The following STPG3 variants were observed in gnomAD, a reference collection of about 807,000 sequenced individuals.
STPG3 encodes the protein protein STPG3.
STPG3 carries 39 observed loss-of-function variants against 32.5 expected under a neutral mutation model. That is an observed-to-expected ratio of 1.20 (90% CI 0.93 to 1.57). The LOEUF (loss-of-function observed/expected upper bound fraction) is 1.57. STPG3 is among the 40% of genes most tolerant of loss of function. The pLI is 0.00. For missense variants in STPG3, 507 were observed against 407.6 expected (o/e 1.24, Z -2.10); for synonymous variants, 209 against 172.4 (o/e 1.21, Z -1.66).
In STPG3 at chr9:137,252,700, C is replaced by G. The variant is rs28376526; in HGVS notation, c.531C>G (p.Pro177=). Residue 177 remains proline, a synonymous_variant, in exon 5 of 6, where the codon CCC becomes CCG. Transcript: ENST00000412566. ...CCCACTACCAGCTGCTCAGCCGGCC[C>G]GCCTTCCCCGCCTTCAGCTTCAGAG... ...SPAHYQLLSR[P]AFPAFSFRGC... is the part of the protein sequence containing the mutation. 0.73 allele frequency: 1,132,685 copies of G among 1,553,414 alleles called. 416,575 individuals carry two copies. Among genetic ancestry groups the G allele is most frequent in the Admixed American group, 0.79 (40,772 of 51,522 alleles).
In STPG3 at chr9:137,252,770, G is replaced by T; in HGVS notation, c.601G>T (p.Gly201Trp). The T allele has an allele frequency of 6.4e-7, 1 of 1,561,408 alleles. No homozygotes were observed. The highest frequency in any genetic ancestry group is 2.4e-5 in the East Asian group (1 of 41,704). ...SKTPEGHTHL[G>W]LPGARGLGLR... ...GACACCTGAAGGCCACACCCACCTA[G>T]GGCTGCCTGGGGCTAGGGGGCTGGG... is the stretch of plus-strand genomic sequence containing the variant. The change falls in exon 5 of 6, where the codon GGG becomes TGG. Residue 201 changes from glycine (G) to tryptophan (W), a missense_variant. Coordinates refer to ENST00000412566, the MANE Select transcript of STPG3 (RefSeq NM_001004353.4).
chr9:137,253,000 G>A, intron 5 of STPG3, 35 bp downstream of exon 5: 2 of 1,556,634 alleles, frequency 1.3e-6, no homozygotes, highest in Non-Finnish European at 1.7e-6. Flanking sequence ...GCTAGGGATG[G>A]GGCATGGGTG....
chr9:137,251,530 G>A (rs1837315238), intron 1 of STPG3, 134 bp downstream of exon 1: 3 of 965,008 alleles, frequency 3.1e-6, no homozygotes, highest in Non-Finnish European at 1.6e-6. Flanking sequence ...CTGTGGGGCA[G>A]GCGGCTGGGA....
At position 137,253,262 on chromosome 9, in the gene STPG3, C is replaced by A; in HGVS notation, c.*17C>A. 2 of 1,597,536 alleles carry A rather than the reference C, an allele frequency of 1.3e-6. No homozygotes were observed. The highest frequency in any genetic ancestry group is 1.7e-6 in the Non-Finnish European group (2 of 1,172,794). On this transcript the variant is annotated 3_prime_UTR_variant, in exon 6 of 6. Transcript: ENST00000412566. ...ACGCTCTAGAGCCAGCTGGGCACAA[C>A]CTGCTTGGCCCGGCCACCGAGTGGA...
chr9:137,252,620 G>A, intron 4 of STPG3, 42 bp from the exon 5 acceptor site: 1 of 1,517,336 alleles, frequency 6.6e-7, no homozygotes, highest in Non-Finnish European at 8.9e-7. Context: ...AGGGTCCGTG[G>A]GGAGCACCCT....
rs1837450352 is a variant in STPG3 at position 137,253,147 on chromosome 9, G to A, written c.829G>A (p.Glu277Lys). 1.3e-6 allele frequency: 2 copies of A among 1,593,458 alleles called. No individual in the cohort carries two copies. The highest frequency in any genetic ancestry group is 1.7e-6 in the Non-Finnish European group (2 of 1,167,732). ...RTPGPAAYHV[E>K]DCNSRFPSAP... ...CCCTGGCCCAGCCGCCTACCACGTG[G>A]AGGACTGCAACTCACGCTTCCCTTC... The change falls in exon 6 of 6, where the codon GAG (glutamate) becomes AAG (lysine). Residue 277 changes from glutamate to lysine, a missense_variant. Transcript: ENST00000412566.
chr9:137,253,290 C>A lies in STPG3; in HGVS notation c.*45C>A. The A allele has an allele frequency of 6.3e-7, 1 of 1,576,434 alleles. No homozygotes were observed. Among genetic ancestry groups the A allele is most frequent in the East Asian group, 2.3e-5 (1 of 42,590 alleles). ...GCTTGGCCCGGCCACCGAGTGGAAC[C>A]ATGGCCTCCCCCGGGGCTTTCCCAG... On this transcript the variant is annotated 3_prime_UTR_variant, in exon 6 of 6. Coordinates refer to ENST00000412566, the MANE Select transcript of STPG3 (RefSeq NM_001004353.4).
In STPG3 at chr9:137,251,994, TG is replaced by T. The variant is rs1210569889; in HGVS notation, c.269-5del. 1.1e-5 allele frequency: 18 copies of T among 1,609,232 alleles called. No individual in the cohort carries two copies. The highest frequency in any genetic ancestry group is 1.5e-5 in the Non-Finnish European group (18 of 1,178,276). ...GCCCAGGCCCAGAGCTTGCTTCCTG[TG>T]GCCAGTGCTGGAGCAACGCCCCCTG... On this transcript the variant is annotated splice_region_variant and splice_polypyrimidine_tract_variant and intron_variant, in intron 2 of 5. Coordinates refer to ENST00000412566, the MANE Select transcript of STPG3 (RefSeq NM_001004353.4).
At position 137,253,369 on chromosome 9, in the gene STPG3, C is replaced by T. The variant is rs566322486; in HGVS notation, c.*124C>T. On this transcript the variant is annotated 3_prime_UTR_variant, in exon 6 of 6. Transcript: ENST00000412566. ...TGGCCTTCTGACCCTCTGGGCACCC[C>T]GATGCACCCTTCTGGCTGGCCAACC... is the stretch of plus-strand genomic sequence containing the variant. 49 of 1,534,354 alleles carry T rather than the reference C, an allele frequency of 3.2e-5. No individual in the cohort carries two copies. Among genetic ancestry groups the T allele is most frequent in the East Asian group, 1.2e-4 (5 of 40,752 alleles).
intron 4 of STPG3, 50 bp downstream of exon 4, chr9:137,252,575 T>TG: frequency 3.2e-6 from 1 of 310,214 alleles, no homozygotes; most frequent in Non-Finnish European, 4.5e-6. Flanking sequence ...GGCAGGGGGC[T>TG]GGGGGTTCCA....
rs760076295 is a variant in STPG3 at position 137,252,495 on chromosome 9, G to A, written c.462G>A (p.Thr154=). The stretch of plus-strand genomic sequence containing the variant: ...GGTTCCAGAGCGAAAGCCCCTTCAC[G>A]CAGAAAGCTGACTTCGACCAAGAGC... The part of the protein sequence containing the change: ...TLWFQSESPF[T]QKADFDQEQK... Residue 154 remains threonine, a synonymous_variant, in exon 4 of 6, where the codon ACG becomes ACA. Coordinates refer to ENST00000412566, the MANE Select transcript of STPG3 (RefSeq NM_001004353.4). The A allele has an allele frequency of 8.8e-6, 14 of 1,597,968 alleles. No homozygotes were observed. In the Admixed American group the frequency reaches 1.2e-4, roughly 14 times the overall value.
Position 137,252,013 on chromosome 9 carries a change from G to A in STPG3, c.281G>A (p.Arg94His), listed in dbSNP as rs558801799. ...TTCCTGTGGCCAGTGCTGGAGCAACGCCCCCTGATCACAGCTGACCTGGAA... is the reference window on the plus strand; with the variant it reads ...TTCCTGTGGCCAGTGCTGGAGCAACACCCCCTGATCACAGCTGACCTGGAA... ...QTLRELLLEQ[R>H]PLITADLEVP... The change falls in exon 3 of 6, where the codon CGC (arginine) becomes CAC (histidine). Residue 94 changes from arginine to histidine, a missense_variant. Physicochemically the swap from Arg to His is conservative, Grantham distance 29. Transcript: ENST00000412566. 8.4e-5 allele frequency: 135 copies of A among 1,611,544 alleles called. No individual in the cohort carries two copies. The highest frequency in any genetic ancestry group is 1.1e-4 in the Non-Finnish European group (124 of 1,179,244).
rs757274084 is a variant in STPG3, at chr9:137,251,924, C to A, written c.268+29C>A. On this transcript the variant is annotated intron_variant, in intron 2 of 5. Transcript: ENST00000412566. Reference sequence around the variant, plus strand: ...AGTGAGGGTCCTGGCCACCCCACCCCCAAGCTGGTCTTTGGGGGGCTGTGG... The same window carrying A: ...AGTGAGGGTCCTGGCCACCCCACCCACAAGCTGGTCTTTGGGGGGCTGTGG... 6 of 1,599,692 alleles carry A rather than the reference C, an allele frequency of 3.8e-6. No individual in the cohort carries two copies. The South Asian group carries it at 6.7e-5, about 18-fold the overall frequency.
Position 137,251,840 on chromosome 9 carries a change from G to T in STPG3, c.213G>T (p.Gln71His). 1 of 1,607,552 alleles carries T rather than the reference G, an allele frequency of 6.2e-7. No homozygotes were observed. The highest frequency in any genetic ancestry group is 1.1e-5 in the South Asian group (1 of 89,848). The change falls in exon 2 of 6, where the codon CAG becomes CAT. Residue 71 changes from glutamine to histidine, a missense_variant. By Grantham distance (24) the Gln-to-His change is conservative (BLOSUM62 0). Coordinates refer to ENST00000412566, the MANE Select transcript of STPG3 (RefSeq NM_001004353.4). ...AGATCCCAGTTGGCCTCAGGTTACA[G>T]ACGGGCACCCCCCAGGAGTCCCTGC... ...MKEIPVGLRL[Q>H]TGTPQESLPT... is the part of the protein sequence containing the mutation.
At position 137,252,699 on chromosome 9, in the gene STPG3, C is replaced by G. The variant is rs778884437; in HGVS notation, c.530C>G (p.Pro177Arg). Residue 177 changes from proline (P) to arginine (R), a missense_variant, in exon 5 of 6, where the codon CCC (proline) becomes CGC (arginine). Transcript: ENST00000412566. ...GCCCACTACCAGCTGCTCAGCCGGC[C>G]CGCCTTCCCCGCCTTCAGCTTCAGA... ...SPAHYQLLSR[P>R]AFPAFSFRGC... is the part of the protein sequence containing the mutation. The G allele has an allele frequency of 2.5e-5, 38 of 1,550,792 alleles. No individual in the cohort carries two copies. The highest frequency in any genetic ancestry group is 3.3e-4 in the Middle Eastern group (2 of 5,998).
chr9:137,253,330 T>G lies in STPG3; in HGVS notation c.*85T>G. The G allele has an allele frequency of 6.5e-7, 1 of 1,550,028 alleles. No homozygotes were observed. The highest frequency in any genetic ancestry group is 8.7e-7 in the Non-Finnish European group (1 of 1,147,938). ...GGCTTTCCCAGGCCTCCCCTGGGAC[T>G]TGGGGCCCCAGCCTGGCCTTCTGAC... On this transcript the variant is annotated 3_prime_UTR_variant, in exon 6 of 6. Transcript: ENST00000412566.
At chr9:137,252,550 C>T (rs774211753) in intron 4 of STPG3, 25 bp downstream of exon 4, 31 of 309,634 alleles carry the variant, frequency 1.0e-4, no homozygotes, top group East Asian at 3.0e-4. Context: ...AGGAAGGGGG[C>T]GGGGAGTCCA....
rs962113369 is a variant in STPG3, at chr9:137,252,762, C to T, written c.593C>T (p.Thr198Ile). The T allele has an allele frequency of 1.3e-6, 2 of 1,561,164 alleles. No homozygotes were observed. The highest frequency in any genetic ancestry group is 2.4e-5 in the East Asian group (1 of 41,652). Residue 198 changes from threonine (T) to isoleucine (I), a missense_variant, in exon 5 of 6, where the codon ACC (threonine) becomes ATC (isoleucine). Physicochemically the swap from Thr to Ile is moderately conservative, Grantham distance 89 (BLOSUM62 -1). Transcript: ENST00000412566. ...GCTTCCAAGACACCTGAAGGCCACA[C>T]CCACCTAGGGCTGCCTGGGGCTAGG... ...HSASKTPEGH[T>I]HLGLPGARGL...
Position 137,252,471 on chromosome 9 carries a change from G to GT in STPG3, c.440dup (p.Gln148ProfsTer11). 6.2e-7 allele frequency: 1 copy of GT among 1,609,368 alleles called. No individual in the cohort carries two copies. The highest frequency in any genetic ancestry group is 8.5e-7 in the Non-Finnish European group (1 of 1,177,900). On this transcript the variant is annotated frameshift_variant, in exon 4 of 6. Transcript: ENST00000412566. LOFTEE classifies it high-confidence loss of function. ...GCCGCAGGGCATGGCAGACTTTGTG[G>GT]TTCCAGAGCGAAAGCCCCTTCACGC...
Sources: allele counts gnomAD v4.1 joint callset, GRCh38; gene constraint gnomAD v4.1.1; transcripts MANE v1.5; gene names NCBI Gene and HGNC (gene_info 2026-07-23, HGNC 2026-07-21).